Variants in MOCS1 observed in about 807,000 individuals in gnomAD.
MOCS1 encodes molybdenum cofactor biosynthesis protein 1.
Under a neutral mutation model 57.6 loss-of-function variants are expected in MOCS1, and 39 were observed. That is an observed-to-expected ratio of 0.68 (90% CI 0.52 to 0.88). The LOEUF is 0.88. Among genes scored for constraint, MOCS1 ranks in the 40% least tolerant of loss-of-function variants. The pLI is 0.00. For missense variants in MOCS1, 795 were observed against 831.1 expected (o/e 0.96, Z 0.53); for synonymous variants, 334 against 335.7 (o/e 1.00, Z 0.05).
rs112059918 is a variant in MOCS1, at chr6:39,904,689, A to ACTAT, written c.*1664_*1667dup. ...CATTTCCACCAACTGGGGAACTGTG[A>ACTAT]CTATCTATCTCCCCCGACTTCTACC... On this transcript the variant is annotated 3_prime_UTR_variant, in exon 11 of 11. Coordinates refer to ENST00000340692, the MANE Select transcript of MOCS1 (RefSeq NM_001358530.2). 1.3e-4 allele frequency: 57 copies of ACTAT among 453,990 alleles called. No homozygotes were observed. In the East Asian group the frequency reaches 1.7e-3, roughly 13 times the overall value. The allele number at this position is 453,990 out of a possible 1,614,324, so 28.1% of individuals were successfully genotyped here.
chr6:39,904,536 T>TAACA lies in MOCS1; in HGVS notation c.*1817_*1820dup, dbSNP rs571736221. 14 of 454,170 alleles carry TAACA rather than the reference T, an allele frequency of 3.1e-5. No individual in the cohort carries two copies. Among genetic ancestry groups the TAACA allele is most frequent in the Admixed American group, 1.6e-4 (7 of 42,574 alleles). 28.1% of individuals were successfully genotyped at this position (454,170 alleles called of 1,614,324 possible). On this transcript the variant is annotated 3_prime_UTR_variant, in exon 11 of 11. Coordinates refer to ENST00000340692, the MANE Select transcript of MOCS1 (RefSeq NM_001358530.2). The stretch of plus-strand genomic sequence containing the variant: ...GCCAATGTAAAATTCGTCATCAACC[T>TAACA]AACAAACACAACCTTCTCAGCAGCA...
At position 39,934,291 on chromosome 6, in the gene MOCS1, T is replaced by C. The variant is rs1197490145; in HGVS notation, c.123+4A>G. ...AGCTGTGGACGCAGGCGGGGTGGGCTCACCTCCGAGGCAGCTCGCGCGGAC... is the reference window on the plus strand; with the variant it reads ...AGCTGTGGACGCAGGCGGGGTGGGCCCACCTCCGAGGCAGCTCGCGCGGAC... On this transcript the variant is annotated splice_donor_region_variant and intron_variant, in intron 1 of 10. Transcript: ENST00000340692. 1.9e-6 allele frequency: 3 copies of C among 1,539,926 alleles called. No homozygotes were observed. In the East Asian group the frequency reaches 7.2e-5, roughly 37 times the overall value.
intron 4 of MOCS1, 55 bp downstream of exon 4, chr6:39,916,013 C>T (rs1362895488): frequency 1.2e-5 from 18 of 1,551,750 alleles, no homozygotes; most frequent in Non-Finnish European, 1.6e-5. Flanking sequence ...GCCATGCCCT[C>T]CCCAGCTATG....
At chr6:39,925,634 G>A in intron 3 of MOCS1, 44 bp downstream of exon 3, 7 of 1,610,632 alleles carry the variant, frequency 4.3e-6, no homozygotes, top group Middle Eastern at 1.7e-4. Flanking sequence ...CCAGCCGGAT[G>A]AGGCAGCGCT....
intron 5 of MOCS1, 125 bp downstream of exon 5, chr6:39,913,649 G>A (rs1174494973): frequency 7.9e-6 from 9 of 1,144,458 alleles, no homozygotes; most frequent in South Asian, 1.2e-5. Context: ...AGAGGTGGAA[G>A]GGTGCACGTA....
chr6:39,927,997 A>G (rs1223523555), intron 1 of MOCS1, among the ~76,000 whole-genome samples: 3 of 152,058 alleles, frequency 2.0e-5, no homozygotes, highest in African/African-American at 7.3e-5. Flanking sequence ...CTGATGAGAT[A>G]ATTGCTCCAA....
At chr6:39,913,293 C>T in intron 6 of MOCS1, 24 bp downstream of exon 6, 13 of 1,604,422 alleles carry the variant, frequency 8.1e-6, no homozygotes, top group Non-Finnish European at 1.1e-5. Flanking sequence ...TCTTCCCTCC[C>T]TCAACCCATC....
intron 3 of MOCS1, among the ~76,000 whole-genome samples, chr6:39,920,668 A>G (rs963448534): frequency 6.6e-6 from 1 of 152,198 alleles, no homozygotes; most frequent in Non-Finnish European, 1.5e-5. Context: ...TCAAAACGCT[A>G]TATCTACTTT....
intron 6 of MOCS1, 67 bp from the exon 7 acceptor site, chr6:39,913,071 T>C: frequency 7.9e-7 from 1 of 1,262,308 alleles, no homozygotes. Flanking sequence ...CCGGGGTCTT[T>C]GAGTCCATCC....
At position 39,913,843 on chromosome 6, in the gene MOCS1, G is replaced by GGA. The variant is rs1393968381; in HGVS notation, c.584-10_584-9dup. 1 of 1,613,866 alleles carries GGA rather than the reference G, an allele frequency of 6.2e-7. No individual in the cohort carries two copies. The highest frequency in any genetic ancestry group is 8.5e-7 in the Non-Finnish European group (1 of 1,179,880). ...CCATGACCTTGTGGAAGCCTGGGAG[G>GGA]GAGAAACAAGGATCCAGGAACTTCT... On this transcript the variant is annotated splice_polypyrimidine_tract_variant and intron_variant, in intron 4 of 10. Transcript: ENST00000340692.
At chr6:39,921,397 T>TAA (rs34259460) in intron 3 of MOCS1, among the ~76,000 whole-genome samples, 2 of 146,114 alleles carry the variant, frequency 1.4e-5, no homozygotes, top group African/African-American at 2.5e-5. Flanking sequence ...AGACTACGTC[T>TAA]AAAAAAAAAA....
At chr6:39,926,807 T>C (rs1009947632) in intron 2 of MOCS1, among the ~76,000 whole-genome samples, 1 of 139,752 alleles carries the variant, frequency 7.2e-6, no homozygotes, top group Non-Finnish European at 1.6e-5. Flanking sequence ...AAGATCAACT[T>C]TGGAAGTCCC....
intron 7 of MOCS1, 140 bp downstream of exon 7, chr6:39,912,752 A>G: frequency 2.6e-6 from 2 of 781,302 alleles, no homozygotes; most frequent in South Asian, 2.7e-5. Flanking sequence ...TGGTTGTGAT[A>G]GCACTGATGC....
chr6:39,924,487 G>A (rs938304594), intron 3 of MOCS1, among the ~76,000 whole-genome samples: 1 of 152,204 alleles, frequency 6.6e-6, no homozygotes, highest in Admixed American at 6.5e-5. Flanking sequence ...ACAGTGCCAG[G>A]ATGAGATAAA....
chr6:39,907,153 T>C (rs1767014193), intron 10 of MOCS1, 36 bp from the exon 11 acceptor site: 15 of 1,575,174 alleles, frequency 9.5e-6, no homozygotes, highest in Non-Finnish European at 1.3e-5. Flanking sequence ...AAACACTAAG[T>C]CCAAAAGGCA....
chr6:39,920,279 G>A (rs1014154247), intron 3 of MOCS1, among the ~76,000 whole-genome samples: 1 of 152,190 alleles, frequency 6.6e-6, no homozygotes, highest in Non-Finnish European at 1.5e-5. Flanking sequence ...ATAATACTGA[G>A]TGTTGGGAGG....
At chr6:39,927,677 T>A in intron 1 of MOCS1, 2 of 1,550,970 alleles carry the variant, frequency 1.3e-6, no homozygotes, top group South Asian at 1.2e-5. Flanking sequence ...AGCTTGGGGG[T>A]CGGGGGCGGA....
In MOCS1 at chr6:39,927,443, G is replaced by T. The variant is rs777830465; in HGVS notation, c.136C>A (p.Arg46=). 1.9e-6 allele frequency: 3 copies of T among 1,611,520 alleles called. No homozygotes were observed. Among genetic ancestry groups the T allele is most frequent in the South Asian group, 1.1e-5 (1 of 90,786 alleles). ...ARAASEEVSR[R]RQFLREHAAP... ...GCATGCTCCCGCAGGAACTGCCTCC[G>T]CCTGGACACCTCCTGCGAGGACAGA... The change falls in exon 2 of 11, where the codon CGG becomes AGG. Residue 46 remains arginine, a synonymous_variant. Transcript: ENST00000340692.
intron 5 of MOCS1, 100 bp downstream of exon 5, chr6:39,913,674 G>T: frequency 1.5e-6 from 2 of 1,344,656 alleles, no homozygotes; most frequent in African/African-American, 1.4e-5. Context: ...AGCCATGCTG[G>T]CCAGAGCTGA....
Sources: allele counts gnomAD v4.1 joint callset (sites outside exome capture counted in the v4.1 genomes callset), GRCh38; gene constraint gnomAD v4.1.1; transcripts MANE v1.5; gene names NCBI Gene and HGNC (gene_info 2026-07-23, HGNC 2026-07-21).